The following PIAS1 variants were observed in gnomAD, a reference collection of about 807,000 sequenced individuals.
PIAS1 encodes the protein E3 SUMO-protein ligase PIAS1.
In PIAS1, 6 loss-of-function variants were observed where a neutral mutation model predicts 71.3. The observed-to-expected ratio is 0.08, with a 90% CI of 0.05 to 0.17. The LOEUF (loss-of-function observed/expected upper bound fraction) is 0.17. Ranked by LOEUF, PIAS1 falls within the 10% of genes least tolerant of loss-of-function variation. PIAS1 has a pLI of 1.00. For missense variants in PIAS1, 555 were observed against 793.6 expected (o/e 0.70, Z 3.61); for synonymous variants, 303 against 292.9 (o/e 1.03, Z -0.35).
At chr15:68,121,180 G>GT (rs2092610534) in intron 2 of PIAS1, among the ~76,000 whole-genome samples, 1 of 151,220 alleles carries the variant, frequency 6.6e-6, no homozygotes, top group South Asian at 2.1e-4. Flanking sequence ...TTTACCTTTT[G>GT]TATGTCTCAG....
rs188650453 is a variant in PIAS1 at position 68,071,131 on chromosome 15, A to G, written c.25-15175A>G. 1.4e-3 allele frequency among the ~76,000 whole-genome samples: 207 copies of G among 151,900 alleles called. 2 individuals carry two copies. The highest frequency in any genetic ancestry group is 4.6e-3 in the African/African-American group (191 of 41,356). The stretch of plus-strand genomic sequence containing the variant: ...GGAGAGGGAGTGGACATTGAGGCTT[A>G]TTTTCATTGAGTTGCTGGTGCTTTC... On this transcript the variant is annotated intron_variant, in intron 1 of 13. Transcript: ENST00000249636.
chr15:68,168,552 A>G (rs2092971006), intron 8 of PIAS1, among the ~76,000 whole-genome samples: 1 of 152,204 alleles, frequency 6.6e-6, no homozygotes, highest in African/African-American at 2.4e-5. Context: ...TTTGTGTCCT[A>G]TAAAGGGAAA....
chr15:68,075,783 CTT>C (rs71287007), intron 1 of PIAS1, among the ~76,000 whole-genome samples: 15 of 134,048 alleles, frequency 1.1e-4, no homozygotes, highest in Admixed American at 1.5e-4. Flanking sequence ...ATTCCTAGGG[CTT>C]TTTTTTTTTT....
intron 1 of PIAS1, among the ~76,000 whole-genome samples, chr15:68,072,028 G>A (rs1448013674): frequency 6.6e-6 from 1 of 151,826 alleles, no homozygotes; most frequent in African/African-American, 2.4e-5. Context: ...GTAATGAGGA[G>A]AGAAAACATT....
In PIAS1 at chr15:68,189,787, TGTCA is replaced by T. The variant is rs2093110547; in HGVS notation, c.*1955_*1958del. The stretch of plus-strand genomic sequence containing the variant: ...CAATAAAAAAAAAACCAAAACAGAT[TGTCA>T]GTTAACCAGGAAACAGTTAATGTTT... On this transcript the variant is annotated 3_prime_UTR_variant, in exon 14 of 14. Coordinates refer to ENST00000249636, the MANE Select transcript of PIAS1 (RefSeq NM_016166.3). The T allele has an allele frequency of 6.6e-6, 1 of 152,072 alleles. No individual in the cohort carries two copies. Among genetic ancestry groups the T allele is most frequent in the Non-Finnish European group, 1.5e-5 (1 of 67,990 alleles). The allele number at this position is 152,072 out of a possible 1,614,324, so 9.4% of individuals were successfully genotyped here.
chr15:68,087,122 A>G (rs1433652291), intron 2 of PIAS1, among the ~76,000 whole-genome samples: 2 of 152,212 alleles, frequency 1.3e-5, no homozygotes, highest in Non-Finnish European at 2.9e-5. Context: ...TCTCTAAAAC[A>G]AATCACTGAC....
intron 1 of PIAS1, among the ~76,000 whole-genome samples, chr15:68,079,128 C>G (rs1597140759): frequency 1.3e-5 from 2 of 151,456 alleles, no homozygotes; most frequent in African/African-American, 4.8e-5. Flanking sequence ...TACCAGAATC[C>G]AAATTCTGTA....
Position 68,086,419 on chromosome 15 carries a change from G to T in PIAS1, c.138G>T (p.Lys46Asn). The T allele has an allele frequency of 6.2e-7, 1 of 1,613,882 alleles. No homozygotes were observed. ...TCACAAAAGCCCTGCATTTGCTAAA[G>T]GCTGGCTGTAGTCCTGCTGTGCAAA... ...ELLTKALHLL[K>N]AGCSPAVQMK... is the part of the protein sequence containing the mutation. The change falls in exon 2 of 14, where the codon AAG (lysine) becomes AAT (asparagine). Residue 46 changes from lysine (K) to asparagine (N), a missense_variant. This residue lies in a region of PIAS1 where 48 missense variants were observed against 86.6 expected (regional missense o/e 0.55). Transcript: ENST00000249636. The surrounding 1 kb of genome is among the most constrained non-coding windows in gnomAD (Gnocchi z 7.2).
At chr15:68,093,056 G>A (rs991752816) in intron 2 of PIAS1, among the ~76,000 whole-genome samples, 10 of 152,080 alleles carry the variant, frequency 6.6e-5, no homozygotes, top group African/African-American at 1.9e-4. Flanking sequence ...TGATGACTTC[G>A]CAGTTTTAGA....
chr15:68,148,554 G>A (rs763250357), intron 6 of PIAS1, among the ~76,000 whole-genome samples: 22 of 151,894 alleles, frequency 1.4e-4, no homozygotes, highest in African/African-American at 2.2e-4. Context: ...ACAGCCTCCC[G>A]AGTAGCTGGG....
chr15:68,164,845 T>G (rs2141078010), intron 8 of PIAS1, 41 bp downstream of exon 8: 2 of 1,060,576 alleles, frequency 1.9e-6, no homozygotes, highest in Non-Finnish European at 2.8e-6. Flanking sequence ...AAGTTTAACA[T>G]ACATTTTCTC....
chr15:68,090,160 G>A lies in PIAS1; in HGVS notation c.469+3410G>A, dbSNP rs779850409. 3.3e-5 allele frequency among the ~76,000 whole-genome samples: 5 copies of A among 151,880 alleles called. No individual in the cohort carries two copies. In the East Asian group the frequency reaches 7.7e-4, roughly 24 times the overall value. ...CTCCCAAAGTGCTAGGATTACAGGC[G>A]TCAGCCACCACACCCAACTTAAATT... On this transcript the variant is annotated intron_variant, in intron 2 of 13. Coordinates refer to ENST00000249636, the MANE Select transcript of PIAS1 (RefSeq NM_016166.3).
intron 1 of PIAS1, among the ~76,000 whole-genome samples, chr15:68,067,847 C>A (rs760515912): frequency 9.2e-5 from 14 of 152,022 alleles, no homozygotes; most frequent in Non-Finnish European, 1.8e-4. Flanking sequence ...CTTTGTGCAC[C>A]CTCATCCTCT....
intron 12 of PIAS1, among the ~76,000 whole-genome samples, chr15:68,182,312 T>C (rs1347809135): frequency 2.0e-5 from 3 of 152,140 alleles, no homozygotes. Context: ...ATCTAAGAAC[T>C]TTTTTTTATT....
intron 1 of PIAS1, among the ~76,000 whole-genome samples, chr15:68,085,916 A>G (rs2092277152): frequency 6.6e-6 from 1 of 152,196 alleles, no homozygotes; most frequent in South Asian, 2.1e-4. Flanking sequence ...CCAAGAAAAC[A>G]AAATATTCTT....
At chr15:68,106,849 G>C (rs1420602538) in intron 2 of PIAS1, among the ~76,000 whole-genome samples, 2 of 152,184 alleles carry the variant, frequency 1.3e-5, no homozygotes, top group African/African-American at 4.8e-5. Context: ...CTTAAATACA[G>C]CACAGCAAGC....
intron 2 of PIAS1, among the ~76,000 whole-genome samples, chr15:68,105,824 A>G (rs2092463930): frequency 6.6e-6 from 1 of 152,156 alleles, no homozygotes; most frequent in African/African-American, 2.4e-5. Context: ...TTTTTTTTAA[A>G]TAAATAACTA....
intron 8 of PIAS1, among the ~76,000 whole-genome samples, chr15:68,168,605 C>T (rs1037775123): frequency 1.3e-5 from 2 of 152,124 alleles, no homozygotes; most frequent in Non-Finnish European, 2.9e-5. Flanking sequence ...CAAAGCTCAG[C>T]TTCTCTCTTG....
intron 1 of PIAS1, among the ~76,000 whole-genome samples, chr15:68,058,876 A>G (rs1463960344): frequency 6.6e-6 from 1 of 152,172 alleles, no homozygotes; most frequent in African/African-American, 2.4e-5. Flanking sequence ...AAAAAGATAC[A>G]ACACTGTTTT....
Sources: gnomAD v4.1 joint callset for allele counts (sites outside exome capture counted in the v4.1 genomes callset) on GRCh38, gnomAD v4.1.1 for gene constraint, gnomAD v4.1.1 regional missense constraint, Gnocchi (gnomAD v3.1) non-coding constraint, MANE v1.5 for transcripts, NCBI Gene and HGNC (gene_info 2026-07-23, HGNC 2026-07-21) for gene names.